Variants in TAF4B observed in about 807,000 individuals in gnomAD.
The protein encoded by TAF4B is TATA-box binding protein associated factor 4b.
Under a neutral mutation model 86.4 loss-of-function variants are expected in TAF4B, and 38 were observed. That is an observed-to-expected ratio of 0.44 (90% confidence interval 0.34 to 0.58). The LOEUF (loss-of-function observed/expected upper bound fraction) is 0.58. TAF4B is among the 20% of genes least tolerant of loss of function. The pLI, the probability that TAF4B is intolerant of heterozygous loss-of-function variation, is 0.02. For synonymous variants in TAF4B, 388 were observed against 391.2 expected (o/e 0.99, Z 0.10); for missense variants, 988 against 1,027.6 (o/e 0.96, Z 0.53).
intron 1 of TAF4B, among the ~76,000 whole-genome samples, chr18:26,245,518 T>G (rs992248221): frequency 3.9e-5 from 6 of 152,174 alleles, no homozygotes; most frequent in Admixed American, 2.6e-4. Context: ...TTCTGTCCTA[T>G]CAGAGTGCCC....
chr18:26,287,843 T>G (rs2056543613), intron 7 of TAF4B, among the ~76,000 whole-genome samples: 2 of 152,220 alleles, frequency 1.3e-5, no homozygotes, highest in South Asian at 4.1e-4. Context: ...GGTTGATCCG[T>G]GACCAGAATT....
chr18:26,315,126 CTCTCTCTCTCTCTCTCTCTG>C (rs2056890598), intron 9 of TAF4B, 83 bp from the exon 10 acceptor site: 13 of 329,972 alleles, frequency 3.9e-5, no homozygotes, highest in African/African-American at 6.6e-5. Flanking sequence ...CTCTCTCTCT[CTCTCTCTCTCTCTCTCTCTG>C]TCTCTCTCTC....
At chr18:26,297,855 C>T (rs887827077) in intron 9 of TAF4B, among the ~76,000 whole-genome samples, 1 of 152,038 alleles carries the variant, frequency 6.6e-6, no homozygotes, top group African/African-American at 2.4e-5. Flanking sequence ...ATACATAGAA[C>T]AGAATTGCTG....
At chr18:26,384,901 T>C (rs1188402399) in intron 14 of TAF4B, among the ~76,000 whole-genome samples, 2 of 152,232 alleles carry the variant, frequency 1.3e-5, no homozygotes. Flanking sequence ...AACGAGTGTT[T>C]GCCACCATTC....
intron 14 of TAF4B, among the ~76,000 whole-genome samples, chr18:26,372,698 C>G (rs766091086): frequency 6.6e-6 from 1 of 152,022 alleles, no homozygotes; most frequent in Non-Finnish European, 1.5e-5. Context: ...CGGCTGGGCG[C>G]GGTGGCTCAT....
Position 26,390,189 on chromosome 18 carries a change from T to A in TAF4B, c.*177T>A. On this transcript the variant is annotated 3_prime_UTR_variant, in exon 15 of 15. Coordinates refer to ENST00000269142, the MANE Select transcript of TAF4B (RefSeq NM_005640.3). The stretch of plus-strand genomic sequence containing the variant: ...TCCATCTCATGGGACTCTTACAGAC[T>A]CAGATTCATCTTTGTCTTCTGAAAA... 1 of 529,592 alleles carries A rather than the reference T, an allele frequency of 1.9e-6. No homozygotes were observed. Among genetic ancestry groups the A allele is most frequent in the Non-Finnish European group, 3.2e-6 (1 of 313,990 alleles). 32.8% of individuals were successfully genotyped at this position (529,592 alleles called of 1,614,324 possible).
intron 14 of TAF4B, among the ~76,000 whole-genome samples, chr18:26,372,998 T>C (rs564074968): frequency 2.0e-5 from 3 of 151,914 alleles, no homozygotes; most frequent in African/African-American, 4.8e-5. Context: ...CTTGACAGTT[T>C]AGTAAGGTGC....
intron 13 of TAF4B, among the ~76,000 whole-genome samples, chr18:26,355,015 C>G (rs1025769821): frequency 1.3e-4 from 20 of 152,140 alleles, no homozygotes; most frequent in African/African-American, 4.8e-4. Flanking sequence ...TCTTACAAGC[C>G]TGGACACAGC....
intron 5 of TAF4B, among the ~76,000 whole-genome samples, chr18:26,281,681 G>T (rs567475997): frequency 6.6e-6 from 1 of 152,002 alleles, no homozygotes; most frequent in Non-Finnish European, 1.5e-5. Context: ...ATTCTTAATT[G>T]TTCTTAACAG....
intron 14 of TAF4B, among the ~76,000 whole-genome samples, chr18:26,384,369 A>G (rs992312536): frequency 1.3e-5 from 2 of 152,168 alleles, no homozygotes; most frequent in African/African-American, 4.8e-5. Flanking sequence ...GACAATATTG[A>G]AAAGCTTAGT....
Position 26,274,686 on chromosome 18 carries a change from C to T in TAF4B, c.621C>T (p.Val207=), listed in dbSNP as rs778101540. The T allele has an allele frequency of 6.8e-6, 11 of 1,614,010 alleles. No homozygotes were observed. In the African/African-American group the frequency reaches 8.0e-5, roughly 12 times the overall value. Residue 207 remains valine, a synonymous_variant, in exon 4 of 15, where the codon GTC becomes GTT. Transcript: ENST00000269142. ...AGTCTGTGGCTGTGCCAACCAGTGT[C>T]GTCACAGTTACTCCTGGAAAGCCAT... is the stretch of plus-strand genomic sequence containing the variant. ...SVQSVAVPTS[V]VTVTPGKPLN...
At chr18:26,295,945 G>C (rs1004853354) in intron 9 of TAF4B, among the ~76,000 whole-genome samples, 2 of 151,612 alleles carry the variant, frequency 1.3e-5, no homozygotes, top group African/African-American at 2.4e-5. Flanking sequence ...TTTGGAAAAC[G>C]TTCTTGGAGT....
intron 1 of TAF4B, chr18:26,255,645 T>C: frequency 4.5e-6 from 5 of 1,111,800 alleles, no homozygotes; most frequent in South Asian, 1.5e-5. Context: ...CTTTGTGGTC[T>C]TCAAAATTTA....
At position 26,255,603 on chromosome 18, in the gene TAF4B, C is replaced by CACAAAA. The variant is rs2056070892; in HGVS notation, c.344-9566_344-9565insCAAAAA. 8.1e-6 allele frequency: 3 copies of CACAAAA among 369,944 alleles called. No individual in the cohort carries two copies. The African/African-American group carries it at 1.2e-4, about 15-fold the overall frequency. The allele number at this position is 369,944 out of a possible 1,614,324, so 22.9% of individuals were successfully genotyped here. ...GACAACAAGAGCAAAACTCTGTCTC[C>CACAAAA]AAAAAAAAAAAAAAAGAGGGTCAGT... On this transcript the variant is annotated intron_variant, in intron 1 of 14. Transcript: ENST00000269142.
chr18:26,268,731 A>G (rs1280646925), intron 3 of TAF4B, among the ~76,000 whole-genome samples: 1 of 152,176 alleles, frequency 6.6e-6, no homozygotes, highest in Non-Finnish European at 1.5e-5. Context: ...TCCTAAGATA[A>G]TTACTCCTGT....
At chr18:26,316,425 C>CT (rs1336266605) in intron 10 of TAF4B, among the ~76,000 whole-genome samples, 1 of 151,926 alleles carries the variant, frequency 6.6e-6, no homozygotes, top group African/African-American at 2.4e-5. Context: ...GAGCCTCACT[C>CT]TGTCACCCAG....
intron 1 of TAF4B, among the ~76,000 whole-genome samples, chr18:26,261,910 A>G (rs547537725): frequency 6.6e-6 from 1 of 152,242 alleles, no homozygotes; most frequent in East Asian, 1.9e-4. Flanking sequence ...TTAGGGAGAT[A>G]TTGGGAGCAG....
intron 14 of TAF4B, among the ~76,000 whole-genome samples, chr18:26,364,683 A>G (rs1031228402): frequency 2.6e-5 from 4 of 152,068 alleles, no homozygotes; most frequent in African/African-American, 9.7e-5. Flanking sequence ...CTTACATAAT[A>G]ACATGTCTAA....
chr18:26,366,728 C>CAT (rs912566977), intron 14 of TAF4B, among the ~76,000 whole-genome samples: 1 of 152,126 alleles, frequency 6.6e-6, no homozygotes, highest in Non-Finnish European at 1.5e-5. Flanking sequence ...AATTTCCATG[C>CAT]ATATGTTAGG....
Sources: gnomAD v4.1 joint callset for allele counts (sites outside exome capture counted in the v4.1 genomes callset) on GRCh38, gnomAD v4.1.1 for gene constraint, MANE v1.5 for transcripts, NCBI Gene and HGNC (gene_info 2026-07-23, HGNC 2026-07-21) for gene names.